Variants in HDGF observed in about 807,000 individuals in gnomAD.
HDGF encodes the protein heparin binding growth factor.
HDGF carries 5 observed loss-of-function variants against 30.0 expected under a neutral mutation model. That is an observed-to-expected ratio of 0.17 (90% CI 0.09 to 0.35). The LOEUF (loss-of-function observed/expected upper bound fraction) is 0.35, where lower values mean the gene tolerates loss of function less well. HDGF is among the 10% of genes least tolerant of loss of function. The pLI is 1.00. For missense variants in HDGF, 214 were observed against 302.8 expected, an observed-to-expected ratio of 0.71 and a Z score of 2.18; for synonymous variants, 133 against 112.7, an observed-to-expected ratio of 1.18 and a Z score of -1.14.
rs1419134361 is a variant in HDGF, at chr1:156,751,566, T to C, written c.-137A>G. On this transcript the variant is annotated 5_prime_UTR_variant, in exon 1 of 6. Transcript: ENST00000357325. This position sits in a 1 kb window ranked among gnomAD's most constrained non-coding sequence, Gnocchi z 4.7. ...CTCGATGGTGGCCCCCGGCCCGAGC[T>C]CCGGCGCGGCCACGGCGTCTCCGCC... 1.0e-6 allele frequency: 1 copy of C among 987,142 alleles called. No homozygotes were observed. The highest frequency in any genetic ancestry group is 1.8e-5 in the African/African-American group (1 of 56,624). 61.1% of individuals were successfully genotyped at this position (987,142 alleles called of 1,614,324 possible). A position where few individuals can be genotyped will look rare whatever the true frequency, so the allele number is the denominator to read the frequency against.
Position 156,743,880 on chromosome 1 carries a change from TA to T in HDGF, c.490-3del. On this transcript the variant is annotated splice_polypyrimidine_tract_variant and splice_region_variant and intron_variant, in intron 4 of 5. Coordinates refer to ENST00000357325, the MANE Select transcript of HDGF (RefSeq NM_004494.3). ...CTCCTTGGGACGTTTAGGAGAGTCC[TA>T]GGCAGGATCAACAGAGGAAGTGGGC... 3.1e-6 allele frequency: 5 copies of T among 1,609,068 alleles called. No individual in the cohort carries two copies. The highest frequency in any genetic ancestry group is 4.3e-6 in the Non-Finnish European group (5 of 1,175,478).
intron 1 of HDGF, among the ~76,000 whole-genome samples, chr1:156,747,765 G>A (rs1275782672): frequency 6.6e-6 from 1 of 152,134 alleles, no homozygotes; most frequent in East Asian, 1.9e-4. Flanking sequence ...GAGAAACTGA[G>A]GCTTCATAAG....
upstream of HDGF, among the ~76,000 whole-genome samples, chr1:156,754,161 G>A (rs1651113035): frequency 6.6e-6 from 1 of 151,922 alleles, no homozygotes; most frequent in Admixed American, 6.6e-5. Context: ...TCATCCACCT[G>A]CCTTGGCCTC....
At chr1:156,755,746 G>A (rs896522054), upstream of HDGF, 12 of 152,164 alleles carry the variant, frequency 7.9e-5, no homozygotes, top group African/African-American at 2.2e-4. Flanking sequence ...TTCCACCCAC[G>A]CCACCCAAAA....
At chr1:156,756,433 C>G (rs1252364865), upstream of HDGF, among the ~76,000 whole-genome samples, 1 of 152,194 alleles carries the variant, frequency 6.6e-6, no homozygotes, top group Non-Finnish European at 1.5e-5. Flanking sequence ...CCTGACAAAG[C>G]TGGCAATACC....
At chr1:156,744,567 A>T (rs1375466828) in intron 3 of HDGF, 1 of 1,517,750 alleles carries the variant, frequency 6.6e-7, no homozygotes, top group Admixed American at 2.1e-5. Context: ...AGGAGGGGGG[A>T]GGGCTGGAGC....
At position 156,762,068 on chromosome 1, in the gene HDGF, G is replaced by A. The variant is rs546888269; in HGVS notation, n.137-2849C>T. ...GAGGTGGGAGGATTGCTTGAGCTGG[G>A]GAGGTCGAGGCTGCAGTGAGCCCAG... On this transcript the variant is annotated intron_variant and non_coding_transcript_variant, in intron 1 of 7. Transcript: ENST00000465180. Among the ~76,000 whole-genome samples the A allele has an allele frequency of 9.2e-5, 14 of 152,136 alleles. No homozygotes were observed. In the South Asian group the frequency reaches 2.9e-3, roughly 32 times the overall value.
chr1:156,753,962 C>G (rs1338515993), upstream of HDGF, among the ~76,000 whole-genome samples: 1 of 151,126 alleles, frequency 6.6e-6, no homozygotes, highest in East Asian at 2.0e-4. Flanking sequence ...GTTCCCCGGG[C>G]TACAGTGCAA....
upstream of HDGF, chr1:156,752,169 A>G: frequency 2.6e-6 from 4 of 1,551,624 alleles, no homozygotes; most frequent in South Asian, 4.8e-5. Context: ...CGAGGGCGAG[A>G]GGAGTGGGCG....
At chr1:156,751,746 T>G, upstream of HDGF, 2 of 894,732 alleles carry the variant, frequency 2.2e-6, no homozygotes, top group Non-Finnish European at 1.3e-6. This position sits in a 1 kb window ranked among gnomAD's most constrained non-coding sequence, Gnocchi z 4.7. Flanking sequence ...CTCCTCCTCC[T>G]CCCTCCTCCC....
At chr1:156,746,890 A>C (rs1263979092) in intron 1 of HDGF, among the ~76,000 whole-genome samples, 1 of 152,050 alleles carries the variant, frequency 6.6e-6, no homozygotes, top group African/African-American at 2.4e-5. Flanking sequence ...AGAGGGCCCA[A>C]CTGGGGGCCT....
upstream of HDGF, chr1:156,755,740 A>G (rs1651144833): frequency 6.6e-6 from 1 of 152,200 alleles, no homozygotes; most frequent in Non-Finnish European, 1.5e-5. Context: ...GCCTACTTCC[A>G]CCCACGCCAC....
chr1:156,754,877 G>C (rs536799998), upstream of HDGF, among the ~76,000 whole-genome samples: 3 of 152,334 alleles, frequency 2.0e-5, no homozygotes, highest in African/African-American at 7.2e-5. Flanking sequence ...GAACCCAGGA[G>C]GTGGAGGTTG....
upstream of HDGF, among the ~76,000 whole-genome samples, chr1:156,756,653 G>A (rs1174439639): frequency 6.6e-6 from 1 of 152,140 alleles, no homozygotes; most frequent in East Asian, 1.9e-4. Context: ...GCACATGGTA[G>A]GTACTATTAG....
chr1:156,754,385 A>G (rs1169613176), upstream of HDGF, among the ~76,000 whole-genome samples: 1 of 152,190 alleles, frequency 6.6e-6, no homozygotes, highest in African/African-American at 2.4e-5. Flanking sequence ...TCAGTCTACC[A>G]TGCAGATGCT....
chr1:156,745,241 C>T, intron 2 of HDGF, 56 bp downstream of exon 2: 1 of 1,610,350 alleles, frequency 6.2e-7, no homozygotes, highest in South Asian at 1.1e-5. Context: ...CCTCACCTTC[C>T]CCAGAGTAGT....
At chr1:156,754,773 G>A (rs1211845777), upstream of HDGF, among the ~76,000 whole-genome samples, 3 of 152,026 alleles carry the variant, frequency 2.0e-5, no homozygotes, top group Admixed American at 6.6e-5. Flanking sequence ...GTAAAACCCC[G>A]TCTCTACTAA....
At position 156,751,504 on chromosome 1, in the gene HDGF, C is replaced by G; in HGVS notation, c.-75G>C. On this transcript the variant is annotated 5_prime_UTR_variant, in exon 1 of 6. Coordinates refer to ENST00000357325, the MANE Select transcript of HDGF (RefSeq NM_004494.3). This position sits in a 1 kb window ranked among gnomAD's most constrained non-coding sequence, Gnocchi z 4.7. Reference sequence around the variant, plus strand: ...CCCAAGTTTGCGCGTGCGGCGGTGGCGGCGCCGCTCCGCTCCGGCCCTCGC... The same window carrying G: ...CCCAAGTTTGCGCGTGCGGCGGTGGGGGCGCCGCTCCGCTCCGGCCCTCGC... The G allele has an allele frequency of 1.7e-6, 2 of 1,172,050 alleles. No individual in the cohort carries two copies. The highest frequency in any genetic ancestry group is 2.1e-6 in the Non-Finnish European group (2 of 944,148). 72.6% of individuals were successfully genotyped at this position (1,172,050 alleles called of 1,614,324 possible). A position where few individuals can be genotyped will look rare whatever the true frequency, so the allele number is the denominator to read the frequency against.
rs777801928 is a variant in HDGF, at chr1:156,742,773, T to C, written c.*676A>G. ...GTCTCAGGTCCTTGGCCCGAACAAC[T>C]TGGAAGCCCCAAATTCTCTTGATGA... On this transcript the variant is annotated 3_prime_UTR_variant, in exon 6 of 6. Coordinates refer to ENST00000357325, the MANE Select transcript of HDGF (RefSeq NM_004494.3). The C allele has an allele frequency of 6.5e-6, 1 of 154,638 alleles. No individual in the cohort carries two copies. The highest frequency in any genetic ancestry group is 1.5e-5 in the Non-Finnish European group (1 of 68,166). 9.6% of individuals were successfully genotyped at this position (154,638 alleles called of 1,614,324 possible).
Sources: allele counts gnomAD v4.1 joint callset (sites outside exome capture counted in the v4.1 genomes callset), GRCh38; gene constraint gnomAD v4.1.1; non-coding constraint Gnocchi (gnomAD v3.1); transcripts MANE v1.5; gene names NCBI Gene and HGNC (gene_info 2026-07-23, HGNC 2026-07-21).